Variants in PCSK5 observed in about 807,000 individuals in gnomAD.
The protein encoded by PCSK5 is prohormone convertase 5.
In PCSK5, 129 loss-of-function variants were observed where a neutral mutation model predicts 233.2. The ratio of observed to expected loss-of-function variants is 0.55; its 90% CI spans 0.48 to 0.64. PCSK5 has a LOEUF of 0.64. Ranked by LOEUF, PCSK5 falls within the 30% of genes least tolerant of loss-of-function variation. PCSK5 has a pLI of 0.00. For missense variants in PCSK5, 2,076 were observed against 2,430.1 expected, an observed-to-expected ratio of 0.85 and a Z score of 3.06; for synonymous variants, 825 against 879.2, an observed-to-expected ratio of 0.94 and a Z score of 1.09.
chr9:76,184,211 T>A lies in PCSK5; in HGVS notation c.2198-462T>A, dbSNP rs142478034. ...CTTAAATGTAGATTCCCTTCTCTAGTTCAGCTCAACTGACCAGTCCTAAAA... is the reference window on the plus strand; with the variant it reads ...CTTAAATGTAGATTCCCTTCTCTAGATCAGCTCAACTGACCAGTCCTAAAA... On this transcript the variant is annotated intron_variant, in intron 16 of 37. Transcript: ENST00000674117. 7.2e-5 allele frequency among the ~76,000 whole-genome samples: 11 copies of A among 152,298 alleles called. No homozygotes were observed. The East Asian group carries it at 2.1e-3, about 29-fold the overall frequency.
chr9:76,063,350 T>G (rs1430469003), intron 5 of PCSK5, among the ~76,000 whole-genome samples: 1 of 85,442 alleles, frequency 1.2e-5, no homozygotes, highest in African/African-American at 5.4e-5. Context: ...TTTTTTTTTA[T>G]TGATAATTCT....
At chr9:76,081,557 T>A (rs548899010) in intron 7 of PCSK5, among the ~76,000 whole-genome samples, 2 of 152,338 alleles carry the variant, frequency 1.3e-5, no homozygotes, top group African/African-American at 4.8e-5. Context: ...ATGATGCATT[T>A]AACCACGGTT....
At chr9:76,113,538 T>A (rs1355232604) in intron 9 of PCSK5, among the ~76,000 whole-genome samples, 1 of 152,106 alleles carries the variant, frequency 6.6e-6, no homozygotes, top group Non-Finnish European at 1.5e-5. Flanking sequence ...ACCAGAATAT[T>A]TGGGATACAG....
rs1823251378 is a variant in PCSK5, at chr9:76,169,761, C to T, written c.1677C>T (p.Cys559=). ...ACTGGGAGTTCATGACCATTCATTG[C>T]TGGGGAGAAAGAGCTGCTGGTGACT... The part of the protein sequence containing the change: ...FKNWEFMTIH[C]WGERAAGDWV... The change falls in exon 13 of 38, where the codon TGC becomes TGT. Residue 559 remains cysteine, a synonymous_variant. Transcript: ENST00000674117. 1 of 1,613,388 alleles carries T rather than the reference C, an allele frequency of 6.2e-7. No individual in the cohort carries two copies. The highest frequency in any genetic ancestry group is 8.5e-7 in the Non-Finnish European group (1 of 1,179,398).
At chr9:76,355,336 G>A (rs1367078904) in intron 37 of PCSK5, among the ~76,000 whole-genome samples, 2 of 152,250 alleles carry the variant, frequency 1.3e-5, no homozygotes, top group Non-Finnish European at 2.9e-5. Flanking sequence ...AGCCAGGCGT[G>A]GTGGCGGGCG....
At chr9:75,975,634 T>C (rs950035271) in intron 2 of PCSK5, among the ~76,000 whole-genome samples, 1 of 152,134 alleles carries the variant, frequency 6.6e-6, no homozygotes, top group Admixed American at 6.5e-5. Flanking sequence ...ATATCTGAAA[T>C]GATTTAGGCA....
Position 76,230,177 on chromosome 9 carries a change from A to T in PCSK5, c.2729+2572A>T, listed in dbSNP as rs183006075. 2.6e-5 allele frequency among the ~76,000 whole-genome samples: 4 copies of T among 152,312 alleles called. No individual in the cohort carries two copies. The East Asian group carries it at 7.7e-4, about 29-fold the overall frequency. ...CAATATTTTGGGGGGAGGTTGGAGA[A>T]TGTGGGGTGGGTCGTGGTGACATAA... On this transcript the variant is annotated intron_variant, in intron 21 of 37. Transcript: ENST00000674117.
At chr9:75,951,329 C>T (rs1824846190) in intron 2 of PCSK5, among the ~76,000 whole-genome samples, 1 of 152,196 alleles carries the variant, frequency 6.6e-6, no homozygotes, top group African/African-American at 2.4e-5. Context: ...AGTGGACCAG[C>T]ATCAGCCCCT....
In PCSK5 at chr9:76,359,958, A is replaced by G. The variant is rs977696586; in HGVS notation, c.*1036A>G. Reference sequence around the variant, plus strand: ...GCTGACCAGCCTTCCAGCACTGCTCATCACTATGATTTTTGTTTCTAGACT... The same window carrying G: ...GCTGACCAGCCTTCCAGCACTGCTCGTCACTATGATTTTTGTTTCTAGACT... On this transcript the variant is annotated 3_prime_UTR_variant, in exon 38 of 38. Coordinates refer to ENST00000674117, the MANE Select transcript of PCSK5 (RefSeq NM_001372043.1). The G allele has an allele frequency of 2.6e-5, 4 of 151,764 alleles. No individual in the cohort carries two copies. Among genetic ancestry groups the G allele is most frequent in the African/African-American group, 9.7e-5 (4 of 41,340 alleles). The allele number at this position is 151,764 out of a possible 1,614,324, so 9.4% of individuals were successfully genotyped here.
At chr9:76,325,647 T>TC (rs200457228) in intron 32 of PCSK5, among the ~76,000 whole-genome samples, 4 of 151,684 alleles carry the variant, frequency 2.6e-5, no homozygotes, top group South Asian at 2.1e-4. Context: ...GCACTTTCTT[T>TC]TTTTTGAGAC....
chr9:76,136,160 GT>G (rs1822966907), intron 10 of PCSK5, among the ~76,000 whole-genome samples: 1 of 151,716 alleles, frequency 6.6e-6, no homozygotes. Flanking sequence ...CAGTGGGATT[GT>G]TTTGTAATTT....
At chr9:76,301,996 A>G (rs1362297523) in intron 27 of PCSK5, 141 bp from the exon 28 acceptor site, 1 of 371,362 alleles carries the variant, frequency 2.7e-6, no homozygotes, top group Admixed American at 3.9e-5. Context: ...ATACTCACAC[A>G]CTCAATATGA....
chr9:75,894,350 A>G lies in PCSK5; in HGVS notation c.192+2977A>G, dbSNP rs967729880. ...GAGAGGTAAGATTTCTGGCCAGGGC[A>G]TTTCTATGGAAAATAATAGCTGTGC... On this transcript the variant is annotated intron_variant, in intron 1 of 37. Coordinates refer to ENST00000674117, the MANE Select transcript of PCSK5 (RefSeq NM_001372043.1). Among the ~76,000 whole-genome samples, 5 of 152,258 alleles carry G rather than the reference A, an allele frequency of 3.3e-5. No individual in the cohort carries two copies. In the East Asian group the frequency reaches 9.7e-4, roughly 29 times the overall value.
chr9:76,126,385 A>T (rs1390418705), intron 9 of PCSK5, among the ~76,000 whole-genome samples: 2 of 152,184 alleles, frequency 1.3e-5, no homozygotes, highest in Admixed American at 6.5e-5. Context: ...AGGCTGAGGC[A>T]TGTGGATCAC....
In PCSK5 at chr9:76,323,019, C is replaced by G. The variant is rs202115851; in HGVS notation, c.4103-33C>G. On this transcript the variant is annotated intron_variant, in intron 31 of 37. Coordinates refer to ENST00000674117, the MANE Select transcript of PCSK5 (RefSeq NM_001372043.1). ...CAATGAATTCCTTTCTCCTACCCCC[C>G]GGGGATAACTTGCTGCTTCCTCCTT... 4.1e-6 allele frequency: 5 copies of G among 1,219,206 alleles called. No homozygotes were observed. The Admixed American group carries it at 5.9e-5, about 14-fold the overall frequency. 75.5% of individuals were successfully genotyped at this position (1,219,206 alleles called of 1,614,324 possible).
chr9:76,167,587 G>C (rs1564075277), intron 12 of PCSK5, among the ~76,000 whole-genome samples: 1 of 152,164 alleles, frequency 6.6e-6, no homozygotes, highest in South Asian at 2.1e-4. Flanking sequence ...GAACCCTTTA[G>C]CTTTAGAATC....
chr9:76,088,499 A>G (rs1378584433), intron 7 of PCSK5, among the ~76,000 whole-genome samples: 1 of 152,256 alleles, frequency 6.6e-6, no homozygotes. Flanking sequence ...TAGAAGCAGA[A>G]CAAGAGAAAC....
At chr9:76,045,870 G>A (rs955909945) in intron 5 of PCSK5, among the ~76,000 whole-genome samples, 15 of 152,088 alleles carry the variant, frequency 9.9e-5, no homozygotes, top group African/African-American at 2.2e-4. Context: ...AGGGTGTGGC[G>A]GGAGTGGTAG....
chr9:76,202,898 G>A (rs1048751175), intron 20 of PCSK5, among the ~76,000 whole-genome samples: 4 of 152,066 alleles, frequency 2.6e-5, no homozygotes, highest in Admixed American at 1.3e-4. Flanking sequence ...CTTATATGTC[G>A]TGAACCTGGT....
Sources: allele counts gnomAD v4.1 joint callset (sites outside exome capture counted in the v4.1 genomes callset), GRCh38; gene constraint gnomAD v4.1.1; transcripts MANE v1.5; gene names NCBI Gene and HGNC (gene_info 2026-07-23, HGNC 2026-07-21).